Variants in ABCB4 observed in about 807,000 individuals in gnomAD.
ABCB4 encodes ATP binding cassette subfamily B member 4, also known as phosphatidylcholine translocator ABCB4.
Under a neutral mutation model 145.7 loss-of-function variants are expected in ABCB4, and 76 were observed. The ratio of observed to expected loss-of-function variants is 0.52; its 90% CI spans 0.43 to 0.63. ABCB4 has a LOEUF of 0.63. Ranked by LOEUF, ABCB4 falls within the 30% of genes least tolerant of loss-of-function variation. ABCB4 has a pLI of 0.00. For missense variants in ABCB4, 1,234 were observed against 1,553.1 expected, an observed-to-expected ratio of 0.79 and a Z score of 3.45; for synonymous variants, 517 against 566.8, an observed-to-expected ratio of 0.91 and a Z score of 1.25.
At chr7:87,387,711 G>A in the ABCB4 span, among the ~76,000 whole-genome samples, 2 of 152,158 alleles carry the variant, frequency 1.3e-5, no homozygotes, top group African/African-American at 4.8e-5. Context: ...CAGCACTTTG[G>A]GAGGCTGAGG....
In ABCB4 at chr7:87,453,114, T is replaced by C. The variant is rs113445400; in HGVS notation, c.366A>G (p.Gly122=). 44 of 1,613,976 alleles carry C rather than the reference T, an allele frequency of 2.7e-5. No individual in the cohort carries two copies. In the Middle Eastern group the frequency reaches 4.9e-4, roughly 18 times the overall value. Residue 122 remains glycine, a synonymous_variant, in exon 6 of 28, where the codon GGA becomes GGG. Transcript: ENST00000649586. ...CAGCAACAAGAACTCCAGCACCCAA[T>C]CCTGAGTAGTAATATGCATATCTGA... ...EMTRYAYYYS[G]LGAGVLVAAY... is the part of the protein sequence containing the mutation.
intron 15 of ABCB4, among the ~76,000 whole-genome samples, chr7:87,429,233 G>A (rs1049993499): frequency 6.6e-6 from 1 of 152,208 alleles, no homozygotes; most frequent in Non-Finnish European, 1.5e-5. Flanking sequence ...GTACCCAGGT[G>A]GAACTATTCA....
At chr7:87,422,573 T>C (rs901424980) in intron 17 of ABCB4, among the ~76,000 whole-genome samples, 16 of 152,176 alleles carry the variant, frequency 1.1e-4, no homozygotes, top group African/African-American at 3.4e-4. Flanking sequence ...TCTGACTGCA[T>C]GGTTGTTAAC....
At chr7:87,393,651 C>A in the ABCB4 span, among the ~76,000 whole-genome samples, 1 of 152,136 alleles carries the variant, frequency 6.6e-6, no homozygotes, top group African/African-American at 2.4e-5. Context: ...GTCTGGCAGT[C>A]TCTTTACAGG....
At chr7:87,449,458 C>CT (rs1343088367) in intron 8 of ABCB4, among the ~76,000 whole-genome samples, 2 of 151,140 alleles carry the variant, frequency 1.3e-5, no homozygotes, top group Non-Finnish European at 3.0e-5. Flanking sequence ...AATTTTTACT[C>CT]TTTTTTTGTG....
chr7:87,426,679 A>C (rs906077658), intron 16 of ABCB4, 71 bp downstream of exon 16: 3 of 1,501,334 alleles, frequency 2.0e-6, no homozygotes, highest in Admixed American at 3.4e-5. Context: ...AATATTTGCA[A>C]GGCTAAGAAT....
chr7:87,388,265 A>G, the ABCB4 span, among the ~76,000 whole-genome samples: 4 of 152,266 alleles, frequency 2.6e-5, no homozygotes. Flanking sequence ...AGAAAATTAA[A>G]AAAAAACTAC....
At chr7:87,406,190 T>G (rs1562948675) in intron 26 of ABCB4, 98 bp downstream of exon 26, 1 of 1,280,268 alleles carries the variant, frequency 7.8e-7, no homozygotes, top group African/African-American at 1.5e-5. Flanking sequence ...TGTTAGTAAA[T>G]CAACATATTT....
In ABCB4 at chr7:87,475,652, C is replaced by G; in HGVS notation, c.-25G>C. ...CTCTCACCTCGAACCTCGCGCGTGT[C>G]TGGCAGGGCCTCTGGACGCGCGGGC... On this transcript the variant is annotated 5_prime_UTR_variant, in exon 1 of 28. Coordinates refer to ENST00000649586, the MANE Select transcript of ABCB4 (RefSeq NM_000443.4). The G allele has an allele frequency of 1.6e-6, 1 of 641,804 alleles. No individual in the cohort carries two copies. Among genetic ancestry groups the G allele is most frequent in the South Asian group, 1.8e-5 (1 of 55,896 alleles). 39.8% of individuals were successfully genotyped at this position (641,804 alleles called of 1,614,324 possible).
the ABCB4 span, among the ~76,000 whole-genome samples, chr7:87,387,809 G>A: frequency 1.3e-5 from 2 of 152,084 alleles, no homozygotes; most frequent in Non-Finnish European, 2.9e-5. Flanking sequence ...AAAATTAGCT[G>A]GGTATTGTGG....
chr7:87,394,694 A>C, the ABCB4 span, among the ~76,000 whole-genome samples: 1 of 152,162 alleles, frequency 6.6e-6, no homozygotes, highest in African/African-American at 2.4e-5. Flanking sequence ...TATAGCAAAA[A>C]AAATGCCTTT....
At chr7:87,462,016 C>T (rs1435924060) in intron 4 of ABCB4, among the ~76,000 whole-genome samples, 1 of 152,212 alleles carries the variant, frequency 6.6e-6, no homozygotes, top group Non-Finnish European at 1.5e-5. Flanking sequence ...CCAGTGCCCA[C>T]AAGGTCTCTT....
the ABCB4 span, among the ~76,000 whole-genome samples, chr7:87,383,940 T>A: frequency 6.6e-6 from 1 of 152,134 alleles, no homozygotes; most frequent in Non-Finnish European, 1.5e-5. Context: ...TACCTAGCAG[T>A]GGGATCATCA....
chr7:87,452,521 A>G (rs1489288601), intron 6 of ABCB4: 6 of 250,952 alleles, frequency 2.4e-5, no homozygotes, highest in African/African-American at 4.6e-5. Flanking sequence ...CTGATATATT[A>G]CGAACACACA....
intron 23 of ABCB4, among the ~76,000 whole-genome samples, chr7:87,409,859 C>T (rs1481387907): frequency 2.6e-5 from 4 of 152,104 alleles, no homozygotes; most frequent in Admixed American, 6.6e-5. Flanking sequence ...TTCTTCTGTA[C>T]TACCACACAA....
At chr7:87,375,734 T>C in the ABCB4 span, 1 of 1,613,188 alleles carries the variant, frequency 6.2e-7, no homozygotes, top group Non-Finnish European at 8.5e-7. Flanking sequence ...AGGTTCTGAT[T>C]TACACTTTTC....
the ABCB4 span, among the ~76,000 whole-genome samples, chr7:87,389,068 A>G: frequency 6.6e-6 from 1 of 152,350 alleles, no homozygotes; most frequent in South Asian, 2.1e-4. Flanking sequence ...CAAAATCACA[A>G]TGAGATACCA....
chr7:87,472,339 T>C (rs566999581), intron 3 of ABCB4, among the ~76,000 whole-genome samples: 2 of 152,242 alleles, frequency 1.3e-5, no homozygotes, highest in East Asian at 1.9e-4. Context: ...GCCTCCCAAG[T>C]AGCTGGGACT....
intron 3 of ABCB4, among the ~76,000 whole-genome samples, chr7:87,465,645 C>T (rs1812825974): frequency 6.6e-6 from 1 of 152,198 alleles, no homozygotes; most frequent in African/African-American, 2.4e-5. Flanking sequence ...CTGGGAGGCA[C>T]CACCCAGTAG....
Sources: allele counts gnomAD v4.1 joint callset (sites outside exome capture counted in the v4.1 genomes callset), GRCh38; gene constraint gnomAD v4.1.1; transcripts MANE v1.5; gene names NCBI Gene and HGNC (gene_info 2026-07-23, HGNC 2026-07-21).